Variants in GK observed in about 807,000 individuals in gnomAD.
GK encodes ATP:glycerol 3-phosphotransferase.
Under a neutral mutation model 56.4 loss-of-function variants are expected in GK, and 9 were observed. That is an observed-to-expected ratio of 0.16 (90% CI 0.10 to 0.28). The LOEUF is 0.28. Ranked by LOEUF, GK falls within the 10% of genes least tolerant of loss-of-function variation. The pLI is 1.00. For synonymous variants in GK, 104 were observed against 144.1 expected, an observed-to-expected ratio of 0.72 and a Z score of 1.99; for missense variants, 161 against 431.4, an observed-to-expected ratio of 0.37 and a Z score of 5.55.
intron 1 of GK, among the ~76,000 whole-genome samples, chrX:30,654,123 A>G (rs1932065420): frequency 8.9e-6 from 1 of 112,461 alleles, no homozygotes; most frequent in South Asian, 3.6e-4. Context: ...TCTCCCATAA[A>G]AATTGCAGAG....
chrX:30,712,757 C>T (rs1271305968), intron 13 of GK, among the ~76,000 whole-genome samples: 1 of 83,702 alleles, frequency 1.2e-5, no homozygotes, highest in Non-Finnish European at 2.2e-5. Flanking sequence ...TGGAGTCTCG[C>T]TCTGTCGCCC....
chrX:30,691,172 A>G lies in GK; in HGVS notation c.387A>G (p.Arg129=). 2 of 1,125,914 alleles carry G rather than the reference A, an allele frequency of 1.8e-6. No individual in the cohort carries two copies. The highest frequency in any genetic ancestry group is 2.4e-6 in the Non-Finnish European group (2 of 818,140). The allele number at this position is 1,125,914 out of a possible 1,213,427, so 92.8% of individuals were successfully genotyped here. The change falls in exon 5 of 21, where the codon AGA becomes AGG. Residue 129 remains arginine (R), a synonymous_variant. Coordinates refer to ENST00000427190, the MANE Select transcript of GK (RefSeq NM_001205019.2). ...CTACCGTTGAGAGTCTTAGTAAAAG[A>G]ATTCCAGGAAATAATAACTTTGTCA... ...TQSTVESLSK[R]IPGNNNFVKS... is the part of the protein sequence containing the mutation.
chrX:30,700,932 C>A, intron 11 of GK, 27 bp downstream of exon 11: 1 of 1,017,862 alleles, frequency 9.8e-7, no homozygotes, highest in Non-Finnish European at 1.4e-6. Flanking sequence ...GACTTAAAAA[C>A]CAATGCTGTT....
intron 18 of GK, among the ~76,000 whole-genome samples, chrX:30,722,876 A>G (rs1183524882): frequency 9.0e-6 from 1 of 111,219 alleles, no homozygotes; most frequent in African/African-American, 3.3e-5. Flanking sequence ...CTCAGGTGCT[A>G]TGGAAAGTCT....
intron 3 of GK, among the ~76,000 whole-genome samples, chrX:30,670,703 G>A (rs1248699737): frequency 2.7e-5 from 3 of 112,244 alleles, no homozygotes; most frequent in Non-Finnish European, 5.6e-5. Flanking sequence ...CTGTAAAGGA[G>A]GCTGGGTGCA....
intron 4 of GK, among the ~76,000 whole-genome samples, chrX:30,688,658 G>T (rs1934758423): frequency 9.0e-6 from 1 of 111,460 alleles, no homozygotes; most frequent in African/African-American, 3.3e-5. Flanking sequence ...GCAAGGTAGG[G>T]CCTGAATTTT....
chrX:30,677,497 A>AT, intron 4 of GK, 45 bp downstream of exon 4: 1 of 719,802 alleles, frequency 1.4e-6, no homozygotes, highest in South Asian at 2.1e-5. Flanking sequence ...CTTTCTTCAC[A>AT]TTGCAAATGT....
Position 30,720,761 on chromosome X carries a change from T to C in GK, c.1357+20T>C, listed in dbSNP as rs41311819. The C allele has an allele frequency of 0.07, 84,451 of 1,207,280 alleles. 2,278 individuals carry two copies. The highest frequency in any genetic ancestry group is 0.081 in the Non-Finnish European group (72,434 of 892,535). ...CAGTAGGTTAGTAAGTCTTCATTCC[T>C]TTAAACTCCCAGAGTAATGTTTCTT... is the stretch of plus-strand genomic sequence containing the variant. On this transcript the variant is annotated intron_variant, in intron 17 of 20. Coordinates refer to ENST00000427190, the MANE Select transcript of GK (RefSeq NM_001205019.2).
At chrX:30,659,447 A>C (rs937085959) in intron 1 of GK, among the ~76,000 whole-genome samples, 1 of 112,772 alleles carries the variant, frequency 8.9e-6, no homozygotes, top group African/African-American at 3.2e-5. Flanking sequence ...TGTGGCTAAT[A>C]TTTTTATTTT....
chrX:30,683,836 T>C (rs757387559), intron 4 of GK, among the ~76,000 whole-genome samples: 16 of 112,344 alleles, frequency 1.4e-4, no homozygotes, highest in Non-Finnish European at 2.4e-4. Flanking sequence ...TTTACAATAA[T>C]GACCTCATTG....
chrX:30,671,149 G>A (rs755694368), intron 3 of GK, among the ~76,000 whole-genome samples: 48 of 108,816 alleles, frequency 4.4e-4, no homozygotes, highest in African/African-American at 1.5e-3. Flanking sequence ...AAATTAGCTG[G>A]GCGTGGTGGC....
At chrX:30,685,374 C>T (rs773064489) in intron 4 of GK, among the ~76,000 whole-genome samples, 230 of 111,967 alleles carry the variant, frequency 2.1e-3, no homozygotes, top group Middle Eastern at 4.6e-3. Context: ...ACCTCGTGAT[C>T]CGCCGGCCTC....
intron 1 of GK, among the ~76,000 whole-genome samples, chrX:30,663,617 C>A (rs1200633738): frequency 9.0e-6 from 1 of 110,690 alleles, no homozygotes. Flanking sequence ...TCAGAATTTG[C>A]CCTCTTGCTT....
In GK at chrX:30,729,607, T is replaced by A. The variant is rs1323573540; in HGVS notation, c.*865T>A. The A allele has an allele frequency of 8.9e-6, 1 of 111,826 alleles. No individual in the cohort carries two copies. Among genetic ancestry groups the A allele is most frequent in the Non-Finnish European group, 1.9e-5 (1 of 53,010 alleles). The allele number at this position is 111,826 out of a possible 1,213,427, so 9.2% of individuals were successfully genotyped here. A position where few individuals can be genotyped will look rare whatever the true frequency, so the allele number is the denominator to read the frequency against. The stretch of plus-strand genomic sequence containing the variant: ...TGTTGGAAAACAGCTGTATACATTT[T>A]TGGGCAACGGTTATGCATAATATTT... On this transcript the variant is annotated 3_prime_UTR_variant, in exon 21 of 21. Transcript: ENST00000427190.
chrX:30,719,575 A>G (rs1936801038), intron 15 of GK, 60 bp downstream of exon 15: 1 of 635,864 alleles, frequency 1.6e-6, no homozygotes, highest in African/African-American at 2.2e-5. Flanking sequence ...AAAGTCGTTA[A>G]TAACTTATTA....
Position 30,680,036 on chromosome X carries a change from G to A in GK, c.337+2584G>A, listed in dbSNP as rs373248831. Among the ~76,000 whole-genome samples the A allele has an allele frequency of 6.3e-5, 7 of 111,722 alleles. No homozygotes were observed. The East Asian group carries it at 1.1e-3, about 18-fold the overall frequency. On this transcript the variant is annotated intron_variant, in intron 4 of 20. Coordinates refer to ENST00000427190, the MANE Select transcript of GK (RefSeq NM_001205019.2). Reference sequence around the variant, plus strand: ...TTGAACTTCACTTGGGCCTTGAAGCGTATATTGGATTGCGTTAGGAAAAGA... The same window carrying A: ...TTGAACTTCACTTGGGCCTTGAAGCATATATTGGATTGCGTTAGGAAAAGA...
chrX:30,717,071 T>A (rs1936663232), intron 13 of GK, among the ~76,000 whole-genome samples: 1 of 112,047 alleles, frequency 8.9e-6, no homozygotes, highest in South Asian at 3.7e-4. Context: ...ACCAGCATAT[T>A]CATTCTCTAG....
At chrX:30,689,618 AC>A in intron 4 of GK, 1 of 329,047 alleles carries the variant, frequency 3.0e-6, no homozygotes, top group Non-Finnish European at 5.9e-6. Context: ...CCCAAGCCAC[AC>A]ACTGCCAAGG....
At chrX:30,694,318 TTTG>T (rs1317300907) in intron 5 of GK, 79 bp from the exon 6 acceptor site, 13 of 869,166 alleles carry the variant, frequency 1.5e-5, no homozygotes, top group Non-Finnish European at 1.7e-5. Flanking sequence ...TATTTTGTGA[TTTG>T]TTGAGTTCTT....
Sources: allele counts gnomAD v4.1 joint callset (sites outside exome capture counted in the v4.1 genomes callset), GRCh38; gene constraint gnomAD v4.1.1; transcripts MANE v1.5; gene names NCBI Gene and HGNC (gene_info 2026-07-23, HGNC 2026-07-21).